Variants in DGKE observed in about 807,000 individuals in gnomAD.
The protein encoded by DGKE is DAG kinase epsilon.
A neutral mutation model predicts 70.0 loss-of-function variants in DGKE; 53 were observed. The ratio of observed to expected loss-of-function variants is 0.76; its 90% confidence interval spans 0.61 to 0.95. DGKE has a LOEUF of 0.95. DGKE is among the 40% of genes least tolerant of loss of function. DGKE has a pLI of 0.00. For synonymous variants in DGKE, 291 were observed against 257.0 expected, an observed-to-expected ratio of 1.13 and a Z score of -1.27; for missense variants, 655 against 706.9, an observed-to-expected ratio of 0.93 and a Z score of 0.83.
Position 56,864,880 on chromosome 17 carries a change from A to AT in DGKE, c.*2092dup, listed in dbSNP as rs1456872327. The stretch of plus-strand genomic sequence containing the variant: ...AATACCAACCATAATATTACACTGT[A>AT]TTTAGAACAGGCTTATGTAAAATGC... On this transcript the variant is annotated 3_prime_UTR_variant, in exon 12 of 12. Transcript: ENST00000284061. The AT allele has an allele frequency of 6.6e-6, 1 of 152,182 alleles. No individual in the cohort carries two copies. The highest frequency in any genetic ancestry group is 6.5e-5 in the Admixed American group (1 of 15,274). 9.4% of individuals were successfully genotyped at this position (152,182 alleles called of 1,614,324 possible).
At chr17:56,859,609 C>T (rs531545784) in intron 9 of DGKE, among the ~76,000 whole-genome samples, 47 of 151,988 alleles carry the variant, frequency 3.1e-4, no homozygotes, top group African/African-American at 9.6e-4. Context: ...TTAGTAGAGA[C>T]GGGGTTTCAC....
intron 7 of DGKE, among the ~76,000 whole-genome samples, chr17:56,855,862 C>T (rs944182848): frequency 9.9e-5 from 15 of 151,746 alleles, no homozygotes; most frequent in African/African-American, 3.6e-4. Context: ...AAATATTAGC[C>T]GAGCATGGTG....
intron 5 of DGKE, among the ~76,000 whole-genome samples, chr17:56,848,395 C>T (rs546334766): frequency 3.3e-5 from 5 of 152,070 alleles, no homozygotes; most frequent in Non-Finnish European, 5.9e-5. Context: ...TGGGCTCAAG[C>T]GATCCTCCCA....
chr17:56,840,327 G>T (rs192355758), intron 2 of DGKE, among the ~76,000 whole-genome samples: 1 of 152,032 alleles, frequency 6.6e-6, no homozygotes, highest in Non-Finnish European at 1.5e-5. Flanking sequence ...TTCATAATAC[G>T]CCAGATTTAT....
At chr17:56,840,955 C>G (rs1049372822) in intron 2 of DGKE, among the ~76,000 whole-genome samples, 2 of 151,686 alleles carry the variant, frequency 1.3e-5, no homozygotes, top group African/African-American at 2.4e-5. Flanking sequence ...GACACTGTCT[C>G]TTAAAAAAAA....
chr17:56,848,816 C>G lies in DGKE; in HGVS notation c.1009C>G (p.Arg337Gly). Residue 337 changes from arginine (R) to glycine (G), a missense_variant, in exon 6 of 12, where the codon CGA becomes GGA. Physicochemically the swap from Arg to Gly is moderately radical, Grantham distance 125 (BLOSUM62 -2). Coordinates refer to ENST00000284061, the MANE Select transcript of DGKE (RefSeq NM_003647.3). Reference protein sequence around the residue: ...AGEIPVAQVLRNVMEADGIKL... With the variant: ...AGEIPVAQVLGNVMEADGIKL... ...AGAAATTCCAGTTGCGCAGGTTTTG[C>G]GAAATGTAATGGAAGCAGATGGAAT... 2 of 1,613,984 alleles carry G rather than the reference C, an allele frequency of 1.2e-6. No individual in the cohort carries two copies. Among genetic ancestry groups the G allele is most frequent in the Non-Finnish European group, 1.7e-6 (2 of 1,179,998 alleles).
intron 11 of DGKE, 178 bp downstream of exon 11, chr17:56,862,429 C>A: frequency 2.3e-6 from 2 of 852,058 alleles, no homozygotes; most frequent in Non-Finnish European, 3.5e-6. Context: ...GCTCAAGATC[C>A]ATGAGATAAA....
At chr17:56,861,940 T>A in intron 10 of DGKE, 22 bp downstream of exon 10, 1 of 1,570,328 alleles carries the variant, frequency 6.4e-7, no homozygotes, top group Non-Finnish European at 8.6e-7. Flanking sequence ...TGTGGTCTGT[T>A]TTTTTATGTC....
At chr17:56,855,410 ATTCATACCT>A (rs1328724772) in intron 7 of DGKE, among the ~76,000 whole-genome samples, 2 of 152,148 alleles carry the variant, frequency 1.3e-5, no homozygotes, top group Non-Finnish European at 1.5e-5. Context: ...GAGCATGAGA[ATTCATACCT>A]TTCATACCTG....
At chr17:56,836,099 A>T (rs1906600734) in intron 2 of DGKE, 1 of 152,238 alleles carries the variant, frequency 6.6e-6, no homozygotes, top group South Asian at 2.1e-4. Flanking sequence ...TTTGAGCCTT[A>T]AGTCTGGACA....
At chr17:56,837,967 T>A (rs1240015419) in intron 2 of DGKE, among the ~76,000 whole-genome samples, 1 of 152,196 alleles carries the variant, frequency 6.6e-6, no homozygotes, top group Non-Finnish European at 1.5e-5. Context: ...CTCCTGTTTC[T>A]ACCCCCAACC....
chr17:56,835,530 G>T, intron 2 of DGKE: 2 of 480,838 alleles, frequency 4.2e-6, no homozygotes, highest in Admixed American at 7.6e-5. Flanking sequence ...AGGTTTCTAA[G>T]TGGTGCCTGC....
intron 3 of DGKE, 32 bp downstream of exon 3, chr17:56,844,210 A>G (rs766581780): frequency 7.2e-7 from 1 of 1,391,504 alleles, no homozygotes; most frequent in East Asian, 2.6e-5. Context: ...AATATGATTG[A>G]TTTTTAAAAA....
Position 56,862,842 on chromosome 17 carries a change from A to G in DGKE, c.*51A>G, listed in dbSNP as rs902987843. The stretch of plus-strand genomic sequence containing the variant: ...ATAGAATCCTCACGCAAGTAGATAC[A>G]TGTTCATCCAAAAGTATTAATAGAA... On this transcript the variant is annotated 3_prime_UTR_variant, in exon 12 of 12. Transcript: ENST00000284061. 30 of 1,379,296 alleles carry G rather than the reference A, an allele frequency of 2.2e-5. No individual in the cohort carries two copies. The highest frequency in any genetic ancestry group is 1.0e-4 in the African/African-American group (7 of 66,842). 85.4% of individuals were successfully genotyped at this position (1,379,296 alleles called of 1,614,324 possible). A position where few individuals can be genotyped will look rare whatever the true frequency, so the allele number is the denominator to read the frequency against.
chr17:56,865,957 C>T lies in DGKE; in HGVS notation c.*3166C>T, dbSNP rs1280527133. 1 of 151,882 alleles carries T rather than the reference C, an allele frequency of 6.6e-6. No individual in the cohort carries two copies. Among genetic ancestry groups the T allele is most frequent in the Non-Finnish European group, 1.5e-5 (1 of 67,974 alleles). 9.4% of individuals were successfully genotyped at this position (151,882 alleles called of 1,614,324 possible). On this transcript the variant is annotated 3_prime_UTR_variant, in exon 12 of 12. Transcript: ENST00000284061. ...ATGGGTAATGGTTTTGTGTGGTTTT[C>T]CTTCAAAATGATAATATTGAAGCAA...
intron 9 of DGKE, 121 bp from the exon 10 acceptor site, chr17:56,861,670 C>A: frequency 7.6e-7 from 1 of 1,322,352 alleles, no homozygotes; most frequent in Non-Finnish European, 1.0e-6. Context: ...AGGTAGGGAG[C>A]ATCTTCTACA....
chr17:56,844,473 G>T (rs908025804), intron 3 of DGKE, among the ~76,000 whole-genome samples: 13 of 152,102 alleles, frequency 8.5e-5, no homozygotes, highest in African/African-American at 3.1e-4. Context: ...AATGATTTAG[G>T]GAGCTTTTTA....
chr17:56,861,012 C>G (rs1382094962), intron 9 of DGKE, among the ~76,000 whole-genome samples: 2 of 152,156 alleles, frequency 1.3e-5, no homozygotes, highest in African/African-American at 4.8e-5. Context: ...GTCGATCCAA[C>G]CGCTCTGTGA....
At chr17:56,835,315 C>G in intron 2 of DGKE, 56 bp downstream of exon 2, 1 of 1,534,562 alleles carries the variant, frequency 6.5e-7, no homozygotes. Context: ...ATCAGGATTT[C>G]ATAGAGTGGT....
Sources: gnomAD v4.1 joint callset for allele counts (sites outside exome capture counted in the v4.1 genomes callset) on GRCh38, gnomAD v4.1.1 for gene constraint, MANE v1.5 for transcripts, NCBI Gene and HGNC (gene_info 2026-07-23, HGNC 2026-07-21) for gene names.